TENM2: variants seen among roughly 807,000 people sequenced by gnomAD.
TENM2 encodes teneurin-2.
In TENM2, 52 loss-of-function variants were observed where a neutral mutation model predicts 245.2. That is an observed-to-expected ratio of 0.21 (90% CI 0.17 to 0.27). The LOEUF (loss-of-function observed/expected upper bound fraction) is 0.27, where lower values mean the gene tolerates loss of function less well. TENM2 is among the 10% of genes least tolerant of loss of function. The pLI is 1.00. For synonymous variants in TENM2, 1,363 were observed against 1,438.9 expected (o/e 0.95, Z 1.19); for missense variants, 3,046 against 3,666.8 (o/e 0.83, Z 4.37).
At chr5:167,966,243 C>A (rs941093607) in intron 4 of TENM2, among the ~76,000 whole-genome samples, 2 of 152,130 alleles carry the variant, frequency 1.3e-5, no homozygotes, top group Non-Finnish European at 2.9e-5. Flanking sequence ...TGCAGATTGA[C>A]AAGGGAGAAT....
At chr5:168,083,280 C>A (rs1181822063) in intron 7 of TENM2, among the ~76,000 whole-genome samples, 1 of 152,180 alleles carries the variant, frequency 6.6e-6, no homozygotes. Flanking sequence ...CCTGGTGTGC[C>A]GTTTGCTAAG....
intron 14 of TENM2, among the ~76,000 whole-genome samples, chr5:168,192,340 T>TCA (rs1761033968): frequency 6.6e-6 from 1 of 152,166 alleles, no homozygotes; most frequent in Non-Finnish European, 1.5e-5. Context: ...ACTATGACTC[T>TCA]AAGACTAGTT....
the TENM2 span, among the ~76,000 whole-genome samples, chr5:167,088,913 G>T: frequency 6.6e-6 from 1 of 152,206 alleles, no homozygotes; most frequent in South Asian, 2.1e-4. Context: ...GTAAGTGGCT[G>T]AAATGAGATG....
At chr5:167,608,289 C>T (rs1255136214) in intron 2 of TENM2, among the ~76,000 whole-genome samples, 2 of 152,152 alleles carry the variant, frequency 1.3e-5, no homozygotes, top group Admixed American at 1.3e-4. Flanking sequence ...AGTGGCTCAT[C>T]TTGGGGACTG....
intron 4 of TENM2, among the ~76,000 whole-genome samples, chr5:167,969,400 G>T (rs986826699): frequency 2.2e-4 from 34 of 152,274 alleles, no homozygotes; most frequent in African/African-American, 8.2e-4. Flanking sequence ...CTTGCCTTCT[G>T]CCATGACTGT....
At chr5:168,132,412 T>A (rs1182526921) in intron 12 of TENM2, among the ~76,000 whole-genome samples, 1 of 152,192 alleles carries the variant, frequency 6.6e-6, no homozygotes, top group Admixed American at 6.5e-5. Flanking sequence ...GATTTAGTAA[T>A]GTCTGCTCAT....
At chr5:168,188,972 G>A (rs753723358) in intron 13 of TENM2, among the ~76,000 whole-genome samples, 15 of 152,216 alleles carry the variant, frequency 9.9e-5, no homozygotes, top group Non-Finnish European at 8.8e-5. Flanking sequence ...TTTATTTCTC[G>A]CAGTCCTGGA....
the TENM2 span, among the ~76,000 whole-genome samples, chr5:167,095,388 A>C: frequency 2.4e-4 from 37 of 152,284 alleles, no homozygotes; most frequent in Non-Finnish European, 2.2e-4. Flanking sequence ...TGGAAAATAA[A>C]GAAGGGGGAT....
chr5:167,007,537 G>T, the TENM2 span, among the ~76,000 whole-genome samples: 1 of 152,088 alleles, frequency 6.6e-6, no homozygotes, highest in African/African-American at 2.4e-5. This position sits in a 1 kb window ranked among gnomAD's most constrained non-coding sequence, Gnocchi z 4.2. Context: ...TCCCATCCCT[G>T]CTGTCCTGTG....
Position 167,405,769 on chromosome 5 carries a change from A to AACACACACACACACACACACAC in TENM2, c.502+30305_502+30326dup, listed in dbSNP as rs149621688. 1.7e-3 allele frequency among the ~76,000 whole-genome samples: 254 copies of AACACACACACACACACACACAC among 145,272 alleles called. 1 individual carries two copies. The highest frequency in any genetic ancestry group is 5.9e-3 in the South Asian group (26 of 4,438). On this transcript the variant is annotated intron_variant, in intron 2 of 28. Transcript: ENST00000518659. ...AGTGCAATTCAAACACACACACACA[A>AACACACACACACACACACACAC]ACACACACACACACACACACACACA...
intron 13 of TENM2, among the ~76,000 whole-genome samples, chr5:168,180,866 C>T (rs1003852474): frequency 1.3e-5 from 2 of 151,822 alleles, no homozygotes; most frequent in African/African-American, 4.8e-5. Flanking sequence ...GGCACCATTG[C>T]ACTCCAGCCT....
the TENM2 span, among the ~76,000 whole-genome samples, chr5:167,228,946 C>T: frequency 6.6e-6 from 1 of 152,132 alleles, no homozygotes; most frequent in Non-Finnish European, 1.5e-5. Flanking sequence ...GTGATCCGCC[C>T]ACCTCGCCCT....
chr5:167,713,721 T>A (rs1484924419), intron 2 of TENM2, among the ~76,000 whole-genome samples: 1 of 152,182 alleles, frequency 6.6e-6, no homozygotes, highest in Non-Finnish European at 1.5e-5. Flanking sequence ...CGTACATGCA[T>A]ATGCATATTC....
rs186331317 is a variant in TENM2, at chr5:167,537,081, C to T, written c.502+161608C>T. Among the ~76,000 whole-genome samples the T allele has an allele frequency of 2.5e-3, 385 of 151,932 alleles. 1 individual carries two copies. The highest frequency in any genetic ancestry group is 8.9e-3 in the African/African-American group (368 of 41,450). On this transcript the variant is annotated intron_variant, in intron 2 of 28. Transcript: ENST00000518659. ...CAAAGTTTAGCATGCTGTACAAGCA[C>T]AATAAATGATTTCGAGGGAATGGAT... is the stretch of plus-strand genomic sequence containing the variant.
chr5:167,473,583 G>A (rs954802103), intron 2 of TENM2, among the ~76,000 whole-genome samples: 4 of 151,822 alleles, frequency 2.6e-5, no homozygotes, highest in African/African-American at 9.7e-5. Context: ...TATAGTTTTC[G>A]ATCTGCTACT....
chr5:167,897,894 T>G (rs1169472384), intron 3 of TENM2, among the ~76,000 whole-genome samples: 1 of 148,024 alleles, frequency 6.8e-6, no homozygotes, highest in Non-Finnish European at 1.5e-5. Context: ...TAAATTGTTT[T>G]TTTTTTTTTT....
intron 3 of TENM2, among the ~76,000 whole-genome samples, chr5:167,904,665 C>T (rs546559301): frequency 6.6e-6 from 1 of 152,196 alleles, no homozygotes; most frequent in East Asian, 1.9e-4. Flanking sequence ...TATTTTTTCT[C>T]ATTTCCCCCT....
At chr5:167,960,995 C>T (rs1250589705) in intron 4 of TENM2, among the ~76,000 whole-genome samples, 6 of 152,178 alleles carry the variant, frequency 3.9e-5, no homozygotes, top group East Asian at 1.9e-4. Flanking sequence ...GGCGACGCCC[C>T]GCCCTGCTTC....
At chr5:167,731,701 T>G (rs919526143) in intron 2 of TENM2, among the ~76,000 whole-genome samples, 57 of 151,476 alleles carry the variant, frequency 3.8e-4, no homozygotes, top group Admixed American at 1.3e-3. Context: ...TCAGAGGTTT[T>G]TTTTTTTTTT....
Sources: gnomAD v4.1 joint callset for allele counts (sites outside exome capture counted in the v4.1 genomes callset) on GRCh38, gnomAD v4.1.1 for gene constraint, Gnocchi (gnomAD v3.1) non-coding constraint, MANE v1.5 for transcripts, NCBI Gene and HGNC (gene_info 2026-07-23, HGNC 2026-07-21) for gene names.